CLYBL: variants seen among roughly 807,000 people sequenced by gnomAD.
CLYBL encodes the protein citramalyl-CoA lyase.
CLYBL carries 31 observed loss-of-function variants against 38.9 expected under a neutral mutation model. The ratio of observed to expected loss-of-function variants is 0.80; its 90% CI spans 0.60 to 1.08. CLYBL has a LOEUF of 1.08. CLYBL is among the 50% of genes least tolerant of loss of function. The pLI, the probability that CLYBL is intolerant of heterozygous loss-of-function variation, is 0.00. For synonymous variants in CLYBL, 171 were observed against 158.6 expected (o/e 1.08, Z -0.59); for missense variants, 434 against 411.6 (o/e 1.05, Z -0.47).
intron 2 of CLYBL, among the ~76,000 whole-genome samples, chr13:99,823,694 T>C (rs1384635348): frequency 6.6e-6 from 1 of 152,266 alleles, no homozygotes; most frequent in Non-Finnish European, 1.5e-5. Flanking sequence ...TGTTCCACAG[T>C]TTGTTTATCC....
chr13:99,832,997 TACATACATAC>T (rs1174560330), intron 2 of CLYBL, among the ~76,000 whole-genome samples: 54 of 56,068 alleles, frequency 9.6e-4, no homozygotes, highest in Middle Eastern at 8.9e-3. Context: ...AGTATATACA[TACATACATAC>T]ATATATATAT....
intron 1 of CLYBL, among the ~76,000 whole-genome samples, chr13:99,743,966 C>CTTTTTTTTTTTTTTTTTTTTTTT (rs1162079530): frequency 1.4e-4 from 10 of 69,180 alleles, no homozygotes; most frequent in Non-Finnish European, 1.8e-4. Context: ...TCTCTTCTTT[C>CTTTTTTTTTTTTTTTTTTTTTTT]TTTTTTTTTT....
At position 99,772,965 on chromosome 13, in the gene CLYBL, T is replaced by C. The variant is rs750461519; in HGVS notation, c.204T>C (p.Asp68=). 14 of 1,613,478 alleles carry C rather than the reference T, an allele frequency of 8.7e-6. No individual in the cohort carries two copies. Among genetic ancestry groups the C allele is most frequent in the South Asian group, 7.7e-5 (7 of 90,872 alleles). Residue 68 remains aspartate (D), a synonymous_variant, in exon 2 of 9, where the codon GAT becomes GAC. Coordinates refer to ENST00000339105, the MANE Select transcript of CLYBL (RefSeq NM_206808.5). ...KIKKIPSLNV[D]CAVLDCEDGV... is the part of the protein sequence containing the mutation. ...AGAAGATTCCATCCCTGAATGTAGA[T>C]TGTGCAGTGCTCGACTGTGAGGATG...
At chr13:99,695,278 G>A (rs2047961890) in intron 1 of CLYBL, among the ~76,000 whole-genome samples, 1 of 152,070 alleles carries the variant, frequency 6.6e-6, no homozygotes, top group African/African-American at 2.4e-5. Context: ...CCCTTGCAAA[G>A]TTCATGGCTG....
chr13:99,757,358 T>A (rs1402716899), intron 1 of CLYBL, among the ~76,000 whole-genome samples: 2 of 152,244 alleles, frequency 1.3e-5, no homozygotes, highest in Non-Finnish European at 2.9e-5. Context: ...GCAAAATTTC[T>A]TGCATTAAGA....
At position 99,668,267 on chromosome 13, in the gene CLYBL, T is replaced by A. The variant is rs1214733483; in HGVS notation, c.62+61510T>A. On this transcript the variant is annotated intron_variant, in intron 1 of 8. Transcript: ENST00000339105. Reference sequence around the variant, plus strand: ...CCAGCCTGGGCGACAGAGTGAGCCCTTGTCTTAAAAAAAAAAAATCTTTAA... The same window carrying A: ...CCAGCCTGGGCGACAGAGTGAGCCCATGTCTTAAAAAAAAAAAATCTTTAA... Among the ~76,000 whole-genome samples the A allele has an allele frequency of 1.9e-4, 13 of 67,510 alleles. No individual in the cohort carries two copies. In the East Asian group the frequency reaches 6.5e-3, roughly 34 times the overall value. 44.3% of individuals were successfully genotyped at this position (67,510 alleles called of 152,430 possible).
intron 2 of CLYBL, among the ~76,000 whole-genome samples, chr13:99,829,088 A>C (rs1436073267): frequency 6.6e-6 from 1 of 152,218 alleles, no homozygotes; most frequent in Non-Finnish European, 1.5e-5. Context: ...GATCCCACCC[A>C]GGTAACGCCC....
intron 1 of CLYBL, among the ~76,000 whole-genome samples, chr13:99,732,341 A>G (rs1370538187): frequency 6.6e-6 from 1 of 151,942 alleles, no homozygotes; most frequent in Non-Finnish European, 1.5e-5. Context: ...CCACAGGCAC[A>G]TCCCACCACA....
At chr13:99,660,568 C>T (rs1350971523) in intron 1 of CLYBL, among the ~76,000 whole-genome samples, 1 of 152,138 alleles carries the variant, frequency 6.6e-6, no homozygotes, top group Non-Finnish European at 1.5e-5. Flanking sequence ...TCTGTGTTTG[C>T]GAATAGTCTC....
intron 2 of CLYBL, among the ~76,000 whole-genome samples, chr13:99,837,735 TG>T (rs2050972300): frequency 6.6e-6 from 1 of 152,230 alleles, no homozygotes; most frequent in Non-Finnish European, 1.5e-5. Context: ...GAGGCATTTA[TG>T]TGTGCACCAG....
intron 2 of CLYBL, among the ~76,000 whole-genome samples, chr13:99,837,091 C>T (rs2050957701): frequency 6.6e-6 from 1 of 151,838 alleles, no homozygotes; most frequent in Non-Finnish European, 1.5e-5. Flanking sequence ...TAATGCATAT[C>T]ATTGTCTTCC....
chr13:99,773,741 T>C (rs553842028), intron 2 of CLYBL, among the ~76,000 whole-genome samples: 72 of 152,316 alleles, frequency 4.7e-4, no homozygotes, highest in Non-Finnish European at 8.4e-4. Context: ...TTCTTCTTCT[T>C]ACCACCAGGT....
At chr13:99,678,288 A>G (rs2047683824) in intron 1 of CLYBL, among the ~76,000 whole-genome samples, 1 of 152,220 alleles carries the variant, frequency 6.6e-6, no homozygotes, top group Admixed American at 6.5e-5. Context: ...CAAATGCTGG[A>G]GGCTCTCATG....
chr13:99,768,199 T>TC (rs2049308048), intron 1 of CLYBL, among the ~76,000 whole-genome samples: 1 of 142,318 alleles, frequency 7.0e-6, no homozygotes, highest in African/African-American at 2.6e-5. Context: ...TTTCTTTTTT[T>TC]TTTTTTTTTT....
chr13:99,903,266 T>C (rs2052660730), intron 8 of CLYBL, among the ~76,000 whole-genome samples: 1 of 152,254 alleles, frequency 6.6e-6, no homozygotes, highest in Non-Finnish European at 1.5e-5. Flanking sequence ...GCTGGCCCCA[T>C]GGCCGCAGTC....
chr13:99,757,088 C>T (rs1047111545), intron 1 of CLYBL, among the ~76,000 whole-genome samples: 2 of 152,054 alleles, frequency 1.3e-5, no homozygotes, highest in Non-Finnish European at 2.9e-5. Context: ...TTGATAGAGA[C>T]AGGGCCTCCA....
intron 1 of CLYBL, among the ~76,000 whole-genome samples, chr13:99,641,789 G>C (rs2047098903): frequency 1.3e-5 from 2 of 152,092 alleles, no homozygotes; most frequent in African/African-American, 4.8e-5. Flanking sequence ...TCCAGCCTGG[G>C]TGACAGAGCG....
intron 1 of CLYBL, among the ~76,000 whole-genome samples, chr13:99,654,758 C>T (rs976805591): frequency 5.3e-5 from 8 of 152,206 alleles, no homozygotes; most frequent in African/African-American, 1.9e-4. Context: ...GTAATCCCAA[C>T]ACTCTGGGAG....
intron 2 of CLYBL, among the ~76,000 whole-genome samples, chr13:99,818,371 A>G (rs2050502244): frequency 6.6e-6 from 1 of 151,994 alleles, no homozygotes; most frequent in Admixed American, 6.6e-5. Flanking sequence ...TAATAGAGAA[A>G]GACTGTGGGA....
Sources: gnomAD v4.1 joint callset for allele counts (sites outside exome capture counted in the v4.1 genomes callset) on GRCh38, gnomAD v4.1.1 for gene constraint, MANE v1.5 for transcripts, NCBI Gene and HGNC (gene_info 2026-07-23, HGNC 2026-07-21) for gene names.